The following FGFR1 variants were observed in gnomAD, a reference collection of about 807,000 sequenced individuals.
FGFR1 encodes FGFR1/PLAG1 fusion.
In FGFR1, 18 loss-of-function variants were observed where a neutral mutation model predicts 93.7. That is an observed-to-expected ratio of 0.19 (90% CI 0.13 to 0.28). The LOEUF is 0.28. Among genes scored for constraint, FGFR1 ranks in the 10% least tolerant of loss-of-function variants. The pLI is 1.00. For missense variants in FGFR1, 731 were observed against 1,080.4 expected (o/e 0.68, Z 4.53); for synonymous variants, 448 against 429.3 (o/e 1.04, Z -0.54).
At position 38,421,996 on chromosome 8, in the gene FGFR1, A is replaced by C. The variant is rs1331476305; in HGVS notation, c.937-55T>G. 3 of 1,600,688 alleles carry C rather than the reference A, an allele frequency of 1.9e-6. No individual in the cohort carries two copies. The African/African-American group carries it at 4.0e-5, about 21-fold the overall frequency. ...AAGCACAGGACATGAGACCTCTAAGAGACGCAGAGCAAGGGAAGGAGACAG... is the reference window on the plus strand; with the variant it reads ...AAGCACAGGACATGAGACCTCTAAGCGACGCAGAGCAAGGGAAGGAGACAG... On this transcript the variant is annotated intron_variant, in intron 7 of 17. Transcript: ENST00000447712.
In FGFR1 at chr8:38,419,909, CCT is replaced by C. The variant is rs1383249912; in HGVS notation, c.1082-176_1082-175del. 2.5e-4 allele frequency: 151 copies of C among 614,042 alleles called. 2 individuals carry two copies. The highest frequency in any genetic ancestry group is 2.4e-3 in the South Asian group (122 of 50,564). The allele number at this position is 614,042 out of a possible 1,614,324, so 38.0% of individuals were successfully genotyped here. On this transcript the variant is annotated intron_variant, in intron 8 of 17. Coordinates refer to ENST00000447712, the MANE Select transcript of FGFR1 (RefSeq NM_023110.3). ...TGGCACTAGGAGGATCAGGCAACCC[CCT>C]GATTTTGGAGGCTGCCTTCAATGGA...
intron 2 of FGFR1, among the ~76,000 whole-genome samples, chr8:38,450,150 A>G (rs1830578563): frequency 6.6e-6 from 1 of 152,148 alleles, no homozygotes; most frequent in Non-Finnish European, 1.5e-5. Context: ...GTTAGCTTTC[A>G]GCTTAATTAT....
At chr8:38,428,811 G>A (rs565177045) in intron 3 of FGFR1, 4 of 355,730 alleles carry the variant, frequency 1.1e-5, no homozygotes, top group South Asian at 9.4e-5. Context: ...GGAAACCCAG[G>A]CAGGTCTAGA....
At chr8:38,436,999 C>T (rs1024929134) in intron 2 of FGFR1, among the ~76,000 whole-genome samples, 1 of 152,200 alleles carries the variant, frequency 6.6e-6, no homozygotes, top group African/African-American at 2.4e-5. Context: ...TCTCGTGCCT[C>T]AGTCCCGAGT....
At chr8:38,420,786 C>T (rs551817899) in intron 8 of FGFR1, among the ~76,000 whole-genome samples, 1 of 152,274 alleles carries the variant, frequency 6.6e-6, no homozygotes, top group Non-Finnish European at 1.5e-5. Flanking sequence ...AGGCATGAGG[C>T]ATGAGGCACG....
chr8:38,432,915 C>T lies in FGFR1; in HGVS notation c.92-2967G>A, dbSNP rs975206674. On this transcript the variant is annotated intron_variant, in intron 2 of 17. Coordinates refer to ENST00000447712, the MANE Select transcript of FGFR1 (RefSeq NM_023110.3). ...GCTGTCCCTCCCCACCGCGCCCCCC[C>T]CCCTCCCCAGTTGGGATGCTTTCAG... Among the ~76,000 whole-genome samples, 3 of 140,780 alleles carry T rather than the reference C, an allele frequency of 2.1e-5. 1 individual carries two copies. The highest frequency in any genetic ancestry group is 4.8e-5 in the Non-Finnish European group (3 of 62,862). 92.4% of individuals were successfully genotyped at this position (140,780 alleles called of 152,430 possible). A position where few individuals can be genotyped will look rare whatever the true frequency, so the allele number is the denominator to read the frequency against.
chr8:38,448,323 A>G (rs1325297543), intron 2 of FGFR1, among the ~76,000 whole-genome samples: 1 of 142,492 alleles, frequency 7.0e-6, no homozygotes, highest in South Asian at 2.2e-4. Flanking sequence ...TCTTTTGCCC[A>G]GGCTGAAGTG....
intron 2 of FGFR1, among the ~76,000 whole-genome samples, chr8:38,454,529 T>C (rs1481601179): frequency 6.6e-6 from 1 of 152,190 alleles, no homozygotes; most frequent in East Asian, 1.9e-4. Context: ...ACAGATGCTA[T>C]TGCTGTAGTG....
intron 9 of FGFR1, 63 bp from the exon 10 acceptor site, chr8:38,418,436 C>T (rs2150683406): frequency 6.4e-7 from 1 of 1,556,300 alleles, no homozygotes; most frequent in Non-Finnish European, 8.7e-7. Flanking sequence ...CCTTCCCATT[C>T]TTAGTCAGGG....
intron 2 of FGFR1, among the ~76,000 whole-genome samples, chr8:38,453,370 C>G (rs1253267062): frequency 6.6e-6 from 1 of 152,240 alleles, no homozygotes; most frequent in African/African-American, 2.4e-5. Flanking sequence ...CAGGCAATGT[C>G]CTATGAGCTC....
intron 2 of FGFR1, among the ~76,000 whole-genome samples, chr8:38,446,123 G>A (rs1034735051): frequency 7.9e-5 from 12 of 151,634 alleles, no homozygotes; most frequent in Non-Finnish European, 1.3e-4. Flanking sequence ...TTCCTTCCTA[G>A]GGAAGCTCTT....
rs1175728615 is a variant in FGFR1 at position 38,416,070 on chromosome 8, CAGG to C, written c.1664-13_1664-11del. 13 of 1,607,404 alleles carry C rather than the reference CAGG, an allele frequency of 8.1e-6. No homozygotes were observed. The highest frequency in any genetic ancestry group is 2.7e-5 in the African/African-American group (2 of 74,848). On this transcript the variant is annotated splice_polypyrimidine_tract_variant and intron_variant, in intron 12 of 17. Transcript: ENST00000447712. ...ATGACATACAAGGGACCTGCAGGCA[CAGG>C]AGAAGAGGCCATGGGGCCAGCAGCA...
chr8:38,450,358 G>A (rs2151250391), intron 2 of FGFR1, among the ~76,000 whole-genome samples: 1 of 152,320 alleles, frequency 6.6e-6, no homozygotes, highest in Admixed American at 6.5e-5. Context: ...GGAAGAAAGA[G>A]GCAAAGGTGG....
chr8:38,442,362 G>GGT lies in FGFR1; in HGVS notation c.92-12416_92-12415dup, dbSNP rs56889687. On this transcript the variant is annotated intron_variant, in intron 2 of 17. Transcript: ENST00000447712. ...ACATCTTCCACCAAGTTGTTAAAGT[G>GGT]GTGTGTGTGTGTGTGTGTGTGTGTG... is the stretch of plus-strand genomic sequence containing the variant. Among the ~76,000 whole-genome samples the GGT allele has an allele frequency of 6.9e-3, 1,002 of 146,060 alleles. 10 individuals are homozygous for GGT. Among genetic ancestry groups the GGT allele is most frequent in the African/African-American group, 0.017 (660 of 39,516 alleles).
intron 1 of FGFR1, among the ~76,000 whole-genome samples, chr8:38,467,211 T>C (rs555692078): frequency 2.0e-5 from 3 of 152,052 alleles, no homozygotes; most frequent in Non-Finnish European, 2.9e-5. Flanking sequence ...CCGTGGGTTG[T>C]CCTCCCGTTC....
At chr8:38,423,324 T>TG in intron 7 of FGFR1, 1 of 606,626 alleles carries the variant, frequency 1.6e-6, no homozygotes, top group Non-Finnish European at 2.9e-6. Context: ...TTTTTTTTTT[T>TG]TTTTTTTTTT....
intron 7 of FGFR1, chr8:38,423,135 A>G (rs1819416921): frequency 1.3e-6 from 1 of 779,612 alleles, no homozygotes; most frequent in Non-Finnish European, 2.4e-6. Flanking sequence ...CACATTGAAC[A>G]GGGTCAGCAC....
At chr8:38,428,904 T>G (rs183677560) in intron 3 of FGFR1, 2 of 298,788 alleles carry the variant, frequency 6.7e-6, no homozygotes, top group Admixed American at 9.5e-5. Context: ...CTACTAAGGT[T>G]TGGGGGCTGC....
In FGFR1 at chr8:38,413,555, G is replaced by A. The variant is rs1415269914; in HGVS notation, c.*73C>T. The A allele has an allele frequency of 6.7e-7, 1 of 1,491,894 alleles. No homozygotes were observed. The allele number at this position is 1,491,894 out of a possible 1,614,324, so 92.4% of individuals were successfully genotyped here. Reference sequence around the variant, plus strand: ...GGAAAGGGGACAGGGACGGACAGGTGGTGGGCCCAGCAGGGGCTGTGGGTG... The same window carrying A: ...GGAAAGGGGACAGGGACGGACAGGTAGTGGGCCCAGCAGGGGCTGTGGGTG... On this transcript the variant is annotated 3_prime_UTR_variant, in exon 18 of 18. Transcript: ENST00000447712. The surrounding 1 kb of genome is among the most constrained non-coding windows in gnomAD (Gnocchi z 4.2).
Sources: gnomAD v4.1 joint callset for allele counts (sites outside exome capture counted in the v4.1 genomes callset) on GRCh38, gnomAD v4.1.1 for gene constraint, Gnocchi (gnomAD v3.1) non-coding constraint, MANE v1.5 for transcripts, NCBI Gene and HGNC (gene_info 2026-07-23, HGNC 2026-07-21) for gene names.